Variants in MGAT4C observed in about 807,000 individuals in gnomAD.
MGAT4C encodes the protein alpha-1,3-mannosyl-glycoprotein 4-beta-N-acetylglucosaminyltransferase C.
Under a neutral mutation model 40.1 loss-of-function variants are expected in MGAT4C, and 19 were observed. That is an observed-to-expected ratio of 0.47 (90% CI 0.33 to 0.70). The LOEUF is 0.70. Ranked by LOEUF, MGAT4C falls within the 30% of genes least tolerant of loss-of-function variation. The pLI is 0.02. For synonymous variants in MGAT4C, 181 were observed against 187.1 expected, an observed-to-expected ratio of 0.97 and a Z score of 0.27; for missense variants, 491 against 563.2, an observed-to-expected ratio of 0.87 and a Z score of 1.30.
intron 2 of MGAT4C, among the ~76,000 whole-genome samples, chr12:86,453,606 A>G (rs1957462080): frequency 6.6e-6 from 1 of 152,092 alleles, no homozygotes; most frequent in Admixed American, 6.6e-5. Context: ...GACTCTCTCA[A>G]TCTTGCAGCT....
chr12:86,297,036 C>T lies in MGAT4C; in HGVS notation c.-57+37029G>A, dbSNP rs531682940. 1.3e-5 allele frequency among the ~76,000 whole-genome samples: 2 copies of T among 152,158 alleles called. 1 individual carries two copies. The highest frequency in any genetic ancestry group is 4.8e-5 in the African/African-American group (2 of 41,512). On this transcript the variant is annotated intron_variant, in intron 4 of 7. Coordinates refer to the MGAT4C transcript ENST00000548651. ...TTTAAGTTGTAGATATCTAATTTTC[C>T]CTGGAAAAGAAAATATTTCCCTAGT...
At chr12:86,411,000 A>G (rs1363753985) in intron 3 of MGAT4C, among the ~76,000 whole-genome samples, 1 of 140,988 alleles carries the variant, frequency 7.1e-6, no homozygotes, top group Admixed American at 7.4e-5. Context: ...ACCTTCTGCC[A>G]TAATTGTAAG....
chr12:86,374,231 ATTAT>A (rs1312840644), intron 3 of MGAT4C, among the ~76,000 whole-genome samples: 2 of 152,100 alleles, frequency 1.3e-5, no homozygotes, highest in African/African-American at 2.4e-5. Flanking sequence ...AGGATTACAG[ATTAT>A]TTAAGTTTCA....
intron 2 of MGAT4C, among the ~76,000 whole-genome samples, chr12:86,688,344 C>T (rs747912478): frequency 6.6e-6 from 1 of 151,990 alleles, no homozygotes; most frequent in Non-Finnish European, 1.5e-5. Flanking sequence ...AGCTCATTTA[C>T]ATTTAAGGTC....
At chr12:86,369,670 T>C (rs563494967) in intron 3 of MGAT4C, among the ~76,000 whole-genome samples, 40 of 152,154 alleles carry the variant, frequency 2.6e-4, no homozygotes, top group African/African-American at 8.4e-4. Flanking sequence ...TGTGCAGCCA[T>C]TAATCATTTT....
chr12:86,246,607 T>C (rs1291836696), intron 1 of MGAT4C, among the ~76,000 whole-genome samples: 1 of 152,168 alleles, frequency 6.6e-6, no homozygotes, highest in African/African-American at 2.4e-5. Flanking sequence ...CTATAAACAC[T>C]TTATTTATTA....
At chr12:86,303,444 T>A (rs1042856869) in intron 4 of MGAT4C, among the ~76,000 whole-genome samples, 1 of 150,396 alleles carries the variant, frequency 6.6e-6, no homozygotes, top group Non-Finnish European at 1.5e-5. Context: ...ATAGTAGAGT[T>A]CCATTCGAAA....
At chr12:86,743,023 GTGTGTA>G (rs1451918385) in intron 1 of MGAT4C, among the ~76,000 whole-genome samples, 11 of 145,016 alleles carry the variant, frequency 7.6e-5, no homozygotes, top group Admixed American at 4.2e-4. Flanking sequence ...GTGTATGCAT[GTGTGTA>G]TGTGTATGTG....
intron 1 of MGAT4C, among the ~76,000 whole-genome samples, chr12:86,175,121 A>C (rs1887257264): frequency 6.6e-6 from 1 of 152,126 alleles, no homozygotes; most frequent in Non-Finnish European, 1.5e-5. Context: ...TTGTCACCTA[A>C]ATTATTGTAG....
chr12:86,009,569 A>C (rs1888250199), intron 2 of MGAT4C, among the ~76,000 whole-genome samples: 1 of 152,142 alleles, frequency 6.6e-6, no homozygotes, highest in African/African-American at 2.4e-5. Context: ...AGCTACGAAA[A>C]TGACCTCATT....
intron 2 of MGAT4C, among the ~76,000 whole-genome samples, chr12:86,448,114 T>A (rs1273524142): frequency 6.6e-6 from 1 of 152,204 alleles, no homozygotes; most frequent in Non-Finnish European, 1.5e-5. Flanking sequence ...AGTAGCCAAG[T>A]GCCTCCCATT....
intron 1 of MGAT4C, among the ~76,000 whole-genome samples, chr12:86,189,730 A>T (rs1889162471): frequency 6.6e-6 from 1 of 152,036 alleles, no homozygotes; most frequent in Admixed American, 6.6e-5. Context: ...TTTTCTTTGA[A>T]AGCAAAACAA....
At chr12:86,701,368 T>G (rs1211658333) in intron 2 of MGAT4C, among the ~76,000 whole-genome samples, 1 of 152,296 alleles carries the variant, frequency 6.6e-6, no homozygotes. Context: ...TCCAACTTTT[T>G]TGTTATTATT....
At chr12:86,333,990 AC>A (rs1954730938) in intron 4 of MGAT4C, 1 of 152,204 alleles carries the variant, frequency 6.6e-6, no homozygotes, top group Non-Finnish European at 1.5e-5. Context: ...ATATATCTTA[AC>A]AAATGCCATA....
chr12:86,628,140 G>T (rs896283678), intron 2 of MGAT4C, among the ~76,000 whole-genome samples: 2 of 152,126 alleles, frequency 1.3e-5, no homozygotes, highest in Non-Finnish European at 2.9e-5. Flanking sequence ...GGAAGAAAGG[G>T]TATCAGTGAT....
At chr12:86,276,440 A>G (rs1279643460) in intron 4 of MGAT4C, among the ~76,000 whole-genome samples, 1 of 152,180 alleles carries the variant, frequency 6.6e-6, no homozygotes, top group Non-Finnish European at 1.5e-5. Flanking sequence ...ATACTCTTTC[A>G]TATTTTAAAA....
chr12:86,308,959 T>C (rs1954006207), intron 4 of MGAT4C, among the ~76,000 whole-genome samples: 1 of 150,616 alleles, frequency 6.6e-6, no homozygotes, highest in South Asian at 2.1e-4. Context: ...GCTATATTTT[T>C]TGAAGAGACT....
Position 86,306,475 on chromosome 12 carries a change from T to C in MGAT4C, c.-57+27590A>G, listed in dbSNP as rs186827411. ...AATACATGTAGTATACTTTCATTGA[T>C]AGGAATTTCTAAAAGAGACAAAATT... is the stretch of plus-strand genomic sequence containing the variant. On this transcript the variant is annotated intron_variant, in intron 4 of 7. Coordinates refer to the MGAT4C transcript ENST00000548651. 3.0e-3 allele frequency among the ~76,000 whole-genome samples: 450 copies of C among 150,590 alleles called. 5 individuals are homozygous for C. Among genetic ancestry groups the C allele is most frequent in the Non-Finnish European group, 3.4e-3 (229 of 67,948 alleles).
At chr12:86,662,355 A>T (rs1473793862) in intron 2 of MGAT4C, among the ~76,000 whole-genome samples, 1 of 152,212 alleles carries the variant, frequency 6.6e-6, no homozygotes, top group African/African-American at 2.4e-5. Context: ...TGAAAAATTC[A>T]TATGTGTTTA....
Sources: allele counts gnomAD v4.1 joint callset (sites outside exome capture counted in the v4.1 genomes callset), GRCh38; gene constraint gnomAD v4.1.1; transcripts MANE v1.5; gene names NCBI Gene and HGNC (gene_info 2026-07-23, HGNC 2026-07-21).